BAZ1B: variants seen among roughly 807,000 people sequenced by gnomAD.
BAZ1B encodes the protein bromodomain adjacent to zinc finger domain 1B, also known as tyrosine-protein kinase BAZ1B.
In BAZ1B, 22 loss-of-function variants were observed where a neutral mutation model predicts 153.8. The ratio of observed to expected loss-of-function variants is 0.14; its 90% CI spans 0.10 to 0.20. The LOEUF (loss-of-function observed/expected upper bound fraction) is 0.20. BAZ1B is among the 10% of genes least tolerant of loss of function. The pLI is 1.00. For missense variants in BAZ1B, 1,325 were observed against 1,799.3 expected (o/e 0.74, Z 4.77); for synonymous variants, 676 against 633.4 (o/e 1.07, Z -1.01).
intron 11 of BAZ1B, 66 bp downstream of exon 11, chr7:73,465,373 C>T: frequency 1.8e-6 from 2 of 1,087,380 alleles, no homozygotes; most frequent in Middle Eastern, 2.6e-4. Context: ...GAAAAAAAAC[C>T]CTCAGATATT....
intron 19 of BAZ1B, 69 bp downstream of exon 19, chr7:73,442,112 G>C (rs1320372479): frequency 2.8e-6 from 3 of 1,065,514 alleles, no homozygotes; most frequent in Non-Finnish European, 4.1e-6. Flanking sequence ...ATCTCTTCCA[G>C]GTTCTTGGTC....
chr7:73,482,041 A>G (rs1554573772), intron 6 of BAZ1B, among the ~76,000 whole-genome samples: 1 of 152,212 alleles, frequency 6.6e-6, no homozygotes, highest in Non-Finnish European at 1.5e-5. Flanking sequence ...TCTGTCTCAA[A>G]AAAACAAACA....
chr7:73,445,030 C>A (rs73134923), intron 16 of BAZ1B, among the ~76,000 whole-genome samples: 50 of 8,174 alleles, frequency 6.1e-3, no homozygotes, highest in Admixed American at 0.01. Context: ...AGAAAAAAAA[C>A]ACACACACAC....
intron 15 of BAZ1B, among the ~76,000 whole-genome samples, chr7:73,448,679 A>G (rs1315278044): frequency 6.6e-6 from 1 of 152,242 alleles, no homozygotes; most frequent in Non-Finnish European, 1.5e-5. Context: ...TTCTGGGCAG[A>G]GAATGTTCCC....
At chr7:73,502,356 A>C (rs1226333437) in intron 3 of BAZ1B, among the ~76,000 whole-genome samples, 1 of 149,350 alleles carries the variant, frequency 6.7e-6, no homozygotes, top group African/African-American at 2.4e-5. Context: ...CATCATATCT[A>C]CTTTTTTTTT....
At chr7:73,505,948 C>CTAGTA (rs1790321089) in intron 3 of BAZ1B, among the ~76,000 whole-genome samples, 1 of 152,200 alleles carries the variant, frequency 6.6e-6, no homozygotes, top group South Asian at 2.1e-4. Context: ...GCACTCATAA[C>CTAGTA]TAGTATGTAT....
rs565624189 is a variant in BAZ1B, at chr7:73,508,272, C to T, written c.369+55G>A. 3.6e-5 allele frequency: 56 copies of T among 1,575,610 alleles called. 1 individual carries two copies. Among genetic ancestry groups the T allele is most frequent in the South Asian group, 3.5e-4 (30 of 86,314 alleles). On this transcript the variant is annotated intron_variant, in intron 3 of 19. Coordinates refer to ENST00000339594, the MANE Select transcript of BAZ1B (RefSeq NM_032408.4). ...ACATAGAAATGTGTTCTGTAACCTA[C>T]GATGACAGCTCTAATTCTGATGGTA...
At chr7:73,446,096 G>A (rs1347714917) in intron 16 of BAZ1B, among the ~76,000 whole-genome samples, 1 of 152,198 alleles carries the variant, frequency 6.6e-6, no homozygotes, top group Admixed American at 6.5e-5. Context: ...GAGGACAGGA[G>A]AAGACGGGCA....
intron 16 of BAZ1B, among the ~76,000 whole-genome samples, chr7:73,445,525 C>G (rs782592656): frequency 6.6e-6 from 1 of 152,136 alleles, no homozygotes; most frequent in Non-Finnish European, 1.5e-5. Context: ...AAGTGGAAAG[C>G]AATCACTAGC....
intron 7 of BAZ1B, among the ~76,000 whole-genome samples, chr7:73,472,676 A>T (rs1554572196): frequency 6.6e-6 from 1 of 152,172 alleles, no homozygotes; most frequent in Non-Finnish European, 1.5e-5. Flanking sequence ...TCCCAGGTTC[A>T]AGCGATTCTC....
At chr7:73,484,509 T>G (rs1219816731) in intron 6 of BAZ1B, among the ~76,000 whole-genome samples, 2 of 152,050 alleles carry the variant, frequency 1.3e-5, no homozygotes, top group East Asian at 3.9e-4. Flanking sequence ...CTGGGCTTCA[T>G]GGTGCACACC....
At chr7:73,449,440 C>T in intron 15 of BAZ1B, 102 bp downstream of exon 15, 1 of 1,374,338 alleles carries the variant, frequency 7.3e-7, no homozygotes, top group East Asian at 2.5e-5. Flanking sequence ...AAAAGATGAA[C>T]TTAAAGCTCC....
At chr7:73,521,710 G>A (rs1791053400) in intron 1 of BAZ1B, 117 bp downstream of exon 1, 3 of 806,656 alleles carry the variant, frequency 3.7e-6, no homozygotes, top group Admixed American at 4.6e-5. Context: ...CGAGCGGCCG[G>A]GGCGCGCTGA....
rs782525488 is a variant in BAZ1B at position 73,443,968 on chromosome 7, GATAA to G, written c.3990+12_3990+15del. 8 of 1,613,178 alleles carry G rather than the reference GATAA, an allele frequency of 5.0e-6. No individual in the cohort carries two copies. In the Admixed American group the frequency reaches 8.4e-5, roughly 17 times the overall value. Reference sequence around the variant, plus strand: ...GAAACAGAAAGGTTAGAGAAGGGATGATAAATAATTCTCACCAGCTCATCCACCT... The same window carrying G: ...GAAACAGAAAGGTTAGAGAAGGGATGATAATTCTCACCAGCTCATCCACCT... On this transcript the variant is annotated intron_variant, in intron 17 of 19. Coordinates refer to ENST00000339594, the MANE Select transcript of BAZ1B (RefSeq NM_032408.4).
At chr7:73,481,734 C>A (rs886282806) in intron 6 of BAZ1B, among the ~76,000 whole-genome samples, 15 of 151,800 alleles carry the variant, frequency 9.9e-5, no homozygotes, top group African/African-American at 3.6e-4. Context: ...CTTTTTGTTG[C>A]CTGATTAAAA....
intron 8 of BAZ1B, among the ~76,000 whole-genome samples, chr7:73,469,890 T>C (rs529845211): frequency 6.6e-5 from 10 of 152,334 alleles, no homozygotes; most frequent in African/African-American, 2.4e-4. Flanking sequence ...CTTTTTTAAA[T>C]TGAAATGGGG....
chr7:73,493,943 T>C (rs1789764965), intron 4 of BAZ1B, among the ~76,000 whole-genome samples: 1 of 151,698 alleles, frequency 6.6e-6, no homozygotes, highest in Admixed American at 6.6e-5. Context: ...TATACTACAG[T>C]GAAAAAAATT....
intron 3 of BAZ1B, among the ~76,000 whole-genome samples, chr7:73,502,357 CTTTT>C (rs146842229): frequency 5.4e-5 from 8 of 149,430 alleles, no homozygotes; most frequent in African/African-American, 1.5e-4. Context: ...ATCATATCTA[CTTTT>C]TTTTTTATCA....
At chr7:73,470,547 A>C (rs1788762907) in intron 7 of BAZ1B, 64 bp from the exon 8 acceptor site, 3 of 1,572,072 alleles carry the variant, frequency 1.9e-6, no homozygotes, top group Non-Finnish European at 1.7e-6. Flanking sequence ...TACAAATTAA[A>C]TAAAATATGG....
Sources: allele counts gnomAD v4.1 joint callset (sites outside exome capture counted in the v4.1 genomes callset), GRCh38; gene constraint gnomAD v4.1.1; transcripts MANE v1.5; gene names NCBI Gene and HGNC (gene_info 2026-07-23, HGNC 2026-07-21).